The following SMARCA5 variants were observed in gnomAD, a reference collection of about 807,000 sequenced individuals.
SMARCA5 encodes SNF2 related chromatin remodeling ATPase 5, also known as SWI/SNF-related matrix-associated actin-dependent regulator of chromatin subfamily A member 5.
Under a neutral mutation model 140.4 loss-of-function variants are expected in SMARCA5, and 18 were observed. That is an observed-to-expected ratio of 0.13 (90% CI 0.09 to 0.19). SMARCA5 has a LOEUF of 0.19. Among genes scored for constraint, SMARCA5 ranks in the 10% least tolerant of loss-of-function variants. The pLI, the probability that SMARCA5 is intolerant of heterozygous loss-of-function variation, is 1.00. For missense variants in SMARCA5, 606 were observed against 1,276.8 expected (o/e 0.47, Z 8.01); for synonymous variants, 449 against 419.6 (o/e 1.07, Z -0.86).
intron 12 of SMARCA5, 31 bp downstream of exon 12, chr4:143,538,742 A>G (rs769673626): frequency 5.0e-6 from 8 of 1,613,604 alleles, no homozygotes. Flanking sequence ...GAGATAAAAA[A>G]GAATCAGATA....
chr4:143,553,121 A>G lies in SMARCA5; in HGVS notation c.3096A>G (p.Thr1032=). 1 of 1,611,230 alleles carries G rather than the reference A, an allele frequency of 6.2e-7. No individual in the cohort carries two copies. Among genetic ancestry groups the G allele is most frequent in the South Asian group, 1.1e-5 (1 of 91,028 alleles). ...GTAATCCTTCTGTCTGTTTGTAGAC[A>G]CAGAAACGTAAAATGGATGGCGCAC... is the stretch of plus-strand genomic sequence containing the variant. ...EKKKRGPKPS[T]QKRKMDGAPD... The change falls in exon 24 of 24, where the codon ACA becomes ACG. Residue 1032 remains threonine (T), a splice_region_variant and synonymous_variant. Coordinates refer to ENST00000283131, the MANE Select transcript of SMARCA5 (RefSeq NM_003601.4).
chr4:143,524,207 A>G (rs1359135622), intron 3 of SMARCA5, among the ~76,000 whole-genome samples, 160 bp from the exon 4 acceptor site: 1 of 152,206 alleles, frequency 6.6e-6, no homozygotes, highest in African/African-American at 2.4e-5. Flanking sequence ...AAAACATTGC[A>G]GATTTAAATG....
chr4:143,522,423 G>T (rs1234955825), intron 3 of SMARCA5, among the ~76,000 whole-genome samples: 1 of 152,164 alleles, frequency 6.6e-6, no homozygotes, highest in Non-Finnish European at 1.5e-5. Flanking sequence ...AGTGAAAACT[G>T]TGATTAGTAA....
chr4:143,527,621 T>C (rs1276569434), intron 6 of SMARCA5, among the ~76,000 whole-genome samples: 2 of 152,170 alleles, frequency 1.3e-5, no homozygotes, highest in Admixed American at 6.5e-5. Context: ...ACATTTTAAG[T>C]GTCTATTGAA....
chr4:143,525,962 C>T (rs1446571936), intron 5 of SMARCA5, among the ~76,000 whole-genome samples: 1 of 152,114 alleles, frequency 6.6e-6, no homozygotes, highest in Non-Finnish European at 1.5e-5. Context: ...TTCCTTATTG[C>T]TATAATGCTA....
At chr4:143,547,618 C>T in intron 21 of SMARCA5, 115 bp downstream of exon 21, 1 of 653,902 alleles carries the variant, frequency 1.5e-6, no homozygotes, top group Admixed American at 2.7e-5. Context: ...AAAATTTCTT[C>T]AGAGTAGCAT....
intron 3 of SMARCA5, among the ~76,000 whole-genome samples, chr4:143,521,989 A>G (rs193189655): frequency 4.0e-5 from 6 of 151,682 alleles, no homozygotes; most frequent in Non-Finnish European, 7.4e-5. Flanking sequence ...CATGTTGAGT[A>G]TGGAATTTAG....
At chr4:143,536,824 C>G (rs1737316705) in intron 11 of SMARCA5, 146 bp downstream of exon 11, 1 of 633,664 alleles carries the variant, frequency 1.6e-6, no homozygotes, top group Non-Finnish European at 2.8e-6. Flanking sequence ...TATCTGAGCT[C>G]TAACCCCCAC....
At chr4:143,535,607 G>C (rs1444721225) in intron 10 of SMARCA5, among the ~76,000 whole-genome samples, 2 of 152,102 alleles carry the variant, frequency 1.3e-5, no homozygotes, top group Non-Finnish European at 2.9e-5. Context: ...GCAGATATTA[G>C]GCTTACCTTG....
At chr4:143,534,399 T>C (rs976495056) in intron 9 of SMARCA5, among the ~76,000 whole-genome samples, 1 of 152,144 alleles carries the variant, frequency 6.6e-6, no homozygotes, top group African/African-American at 2.4e-5. Flanking sequence ...TTCAATCAAC[T>C]ATGGATTGGA....
chr4:143,540,637 C>G, intron 14 of SMARCA5, 142 bp downstream of exon 14: 1 of 729,228 alleles, frequency 1.4e-6, no homozygotes. Context: ...ATTGCAAATA[C>G]AGTAAACTTT....
intron 13 of SMARCA5, among the ~76,000 whole-genome samples, chr4:143,539,264 A>G (rs1171294550): frequency 2.6e-5 from 4 of 152,144 alleles, no homozygotes; most frequent in Non-Finnish European, 5.9e-5. Context: ...CCCTTGATCA[A>G]AGAATTAGAC....
chr4:143,538,178 C>T (rs1737354235), intron 11 of SMARCA5, among the ~76,000 whole-genome samples: 1 of 152,010 alleles, frequency 6.6e-6, no homozygotes, highest in Non-Finnish European at 1.5e-5. Flanking sequence ...TATTATGGTC[C>T]TTTGATCTAG....
intron 1 of SMARCA5, among the ~76,000 whole-genome samples, chr4:143,515,445 C>A (rs1736809029): frequency 6.6e-6 from 1 of 152,018 alleles, no homozygotes; most frequent in South Asian, 2.1e-4. Context: ...ACTTGGATTT[C>A]TGTTCCAAGG....
At chr4:143,552,140 T>C (rs1410774513) in intron 23 of SMARCA5, among the ~76,000 whole-genome samples, 1 of 152,066 alleles carries the variant, frequency 6.6e-6, no homozygotes, top group Non-Finnish European at 1.5e-5. Context: ...AATTCCTGGG[T>C]ATTTTATTTC....
At chr4:143,535,493 AAAGGACTT>A (rs1737284400) in intron 10 of SMARCA5, among the ~76,000 whole-genome samples, 1 of 152,174 alleles carries the variant, frequency 6.6e-6, no homozygotes, top group Non-Finnish European at 1.5e-5. Flanking sequence ...TTGTTTGGTT[AAAGGACTT>A]AATATCATAT....
At chr4:143,542,472 G>A (rs919014671) in intron 14 of SMARCA5, among the ~76,000 whole-genome samples, 1 of 152,262 alleles carries the variant, frequency 6.6e-6, no homozygotes, top group Admixed American at 6.5e-5. Flanking sequence ...TGGTAGCAAT[G>A]GTAGCATCCA....
intron 23 of SMARCA5, among the ~76,000 whole-genome samples, chr4:143,551,506 A>G (rs897806709): frequency 5.3e-5 from 8 of 152,164 alleles, no homozygotes; most frequent in Middle Eastern, 3.4e-3. Context: ...AGTTTTCCCA[A>G]TGTTTTCTTG....
At chr4:143,528,743 A>G in intron 8 of SMARCA5, 29 bp downstream of exon 8, 1 of 1,599,774 alleles carries the variant, frequency 6.3e-7, no homozygotes, top group Non-Finnish European at 8.5e-7. Flanking sequence ...TTTCTGGTTA[A>G]TAATAATATT....
Sources: allele counts gnomAD v4.1 joint callset (sites outside exome capture counted in the v4.1 genomes callset), GRCh38; gene constraint gnomAD v4.1.1; transcripts MANE v1.5; gene names NCBI Gene and HGNC (gene_info 2026-07-23, HGNC 2026-07-21).